The following EEFSEC variants were observed in gnomAD, a reference collection of about 807,000 sequenced individuals.
EEFSEC encodes the protein selenocysteine-specific elongation factor.
A neutral mutation model predicts 42.1 loss-of-function variants in EEFSEC; 43 were observed. The observed-to-expected ratio is 1.02, with a 90% confidence interval of 0.80 to 1.32. The LOEUF is 1.32. Ranked by LOEUF, EEFSEC falls within the 40% of genes most tolerant of loss-of-function variation. The pLI, the probability that EEFSEC is intolerant of heterozygous loss-of-function variation, is 0.00. For synonymous variants in EEFSEC, 354 were observed against 339.1 expected (o/e 1.04, Z -0.48); for missense variants, 745 against 803.6 (o/e 0.93, Z 0.88).
At chr3:128,217,338 G>A (rs1297353045) in intron 1 of EEFSEC, among the ~76,000 whole-genome samples, 1 of 152,138 alleles carries the variant, frequency 6.6e-6, no homozygotes, top group East Asian at 1.9e-4. Context: ...TAAAGCCCTG[G>A]TTCAGTGTCA....
chr3:128,255,846 G>A (rs1052519873), intron 2 of EEFSEC, among the ~76,000 whole-genome samples: 1 of 152,070 alleles, frequency 6.6e-6, no homozygotes, highest in Non-Finnish European at 1.5e-5. Flanking sequence ...AGGGGCTGGG[G>A]AGCGGGGCCG....
At chr3:128,420,794 G>A in the EEFSEC span, among the ~76,000 whole-genome samples, 1 of 152,080 alleles carries the variant, frequency 6.6e-6, no homozygotes, top group Non-Finnish European at 1.5e-5. Flanking sequence ...GGCTCCCTGA[G>A]CTGGGAAATA....
At chr3:128,316,558 G>A (rs1402346589) in intron 4 of EEFSEC, among the ~76,000 whole-genome samples, 2 of 152,188 alleles carry the variant, frequency 1.3e-5, no homozygotes, top group East Asian at 1.9e-4. Context: ...GTGCTGCACA[G>A]CATCTCAGCA....
At chr3:128,343,370 T>A (rs2067276546) in intron 5 of EEFSEC, among the ~76,000 whole-genome samples, 1 of 152,084 alleles carries the variant, frequency 6.6e-6, no homozygotes, top group Admixed American at 6.5e-5. Flanking sequence ...TTCCTGCCCC[T>A]GTACCTAGAC....
intron 1 of EEFSEC, among the ~76,000 whole-genome samples, chr3:128,177,910 A>G (rs1371959331): frequency 1.3e-5 from 2 of 152,256 alleles, no homozygotes; most frequent in African/African-American, 4.8e-5. Flanking sequence ...TGGAGAAACC[A>G]TAGCCATAAA....
chr3:128,408,109 C>T lies in EEFSEC; in HGVS notation c.1641C>T (p.Ala547=), dbSNP rs147709806. The stretch of plus-strand genomic sequence containing the variant: ...AGTCCAAGAAGATCCTGACACCCGC[C>T]CTCAAGAAGCGGGCCCGGGCTGGCC... ...SPESKKILTP[A]LKKRARAGRG... The change falls in exon 7 of 7, where the codon GCC becomes GCT. Residue 547 remains alanine (A), a synonymous_variant. Transcript: ENST00000254730. The T allele has an allele frequency of 5.6e-6, 9 of 1,604,294 alleles. No individual in the cohort carries two copies. The highest frequency in any genetic ancestry group is 1.7e-4 in the Middle Eastern group (1 of 5,938).
intron 1 of EEFSEC, among the ~76,000 whole-genome samples, chr3:128,181,548 C>G (rs2065405615): frequency 6.6e-6 from 1 of 152,174 alleles, no homozygotes; most frequent in Admixed American, 6.5e-5. Context: ...GGAAGTAGAA[C>G]TTGGCGTTGG....
At chr3:128,419,224 C>T in the EEFSEC span, among the ~76,000 whole-genome samples, 16 of 152,134 alleles carry the variant, frequency 1.1e-4, no homozygotes, top group East Asian at 3.9e-4. Flanking sequence ...AAGTGGGGCA[C>T]GGCTGCTGGT....
intron 6 of EEFSEC, among the ~76,000 whole-genome samples, chr3:128,379,869 C>A (rs1468598869): frequency 2.6e-5 from 4 of 152,266 alleles, no homozygotes; most frequent in Non-Finnish European, 5.9e-5. Context: ...TTTTCCATCA[C>A]AGAGGTGGAT....
intron 1 of EEFSEC, among the ~76,000 whole-genome samples, chr3:128,200,342 G>C (rs943594441): frequency 6.6e-6 from 1 of 152,038 alleles, no homozygotes; most frequent in Admixed American, 6.5e-5. Context: ...AGGCTGGAGT[G>C]CAATGGCGCG....
chr3:128,341,134 T>C (rs2067245177), intron 4 of EEFSEC, 99 bp from the exon 5 acceptor site: 1 of 1,422,484 alleles, frequency 7.0e-7, no homozygotes, highest in South Asian at 1.4e-5. Flanking sequence ...TGCCTGCAGG[T>C]GGTGGTAAGC....
intron 1 of EEFSEC, among the ~76,000 whole-genome samples, chr3:128,192,689 C>T (rs1430823052): frequency 1.3e-5 from 2 of 152,142 alleles, no homozygotes; most frequent in African/African-American, 4.8e-5. Context: ...ACTCTTTCCA[C>T]AGTATTTGTT....
At chr3:128,260,924 A>G (rs967891829) in intron 2 of EEFSEC, among the ~76,000 whole-genome samples, 6 of 149,836 alleles carry the variant, frequency 4.0e-5, no homozygotes, top group African/African-American at 1.5e-4. Context: ...GTGAGTATTC[A>G]CTCTTAGATG....
intron 4 of EEFSEC, among the ~76,000 whole-genome samples, chr3:128,311,578 T>G (rs1559914649): frequency 6.6e-6 from 1 of 152,234 alleles, no homozygotes; most frequent in African/African-American, 2.4e-5. Context: ...CATGGGGAGC[T>G]TCAGGCCCAC....
chr3:128,407,316 G>A (rs922463323), intron 6 of EEFSEC, among the ~76,000 whole-genome samples: 6 of 152,344 alleles, frequency 3.9e-5, no homozygotes, highest in South Asian at 2.1e-4. Context: ...GCGGGGCTGC[G>A]TATACCCCTG....
At chr3:128,356,102 A>C (rs2067450063) in intron 5 of EEFSEC, among the ~76,000 whole-genome samples, 1 of 152,232 alleles carries the variant, frequency 6.6e-6, no homozygotes, top group African/African-American at 2.4e-5. Context: ...CCTGTAGTAC[A>C]TGTGATTGTT....
chr3:128,322,307 G>T (rs1280173956), intron 4 of EEFSEC, among the ~76,000 whole-genome samples: 1 of 152,274 alleles, frequency 6.6e-6, no homozygotes, highest in Non-Finnish European at 1.5e-5. Context: ...CCTGCAGCTT[G>T]TGGAGGGACC....
intron 1 of EEFSEC, among the ~76,000 whole-genome samples, chr3:128,229,634 AG>A (rs1484201677): frequency 6.6e-6 from 1 of 152,248 alleles, no homozygotes; most frequent in African/African-American, 2.4e-5. Context: ...TTCTCACACT[AG>A]GGAGCTACAG....
intron 6 of EEFSEC, among the ~76,000 whole-genome samples, chr3:128,389,071 G>A (rs570144210): frequency 2.0e-5 from 3 of 152,354 alleles, no homozygotes; most frequent in Admixed American, 6.5e-5. Context: ...AAGGGAGCCG[G>A]TGTGCCCTGG....
Sources: gnomAD v4.1 joint callset for allele counts (sites outside exome capture counted in the v4.1 genomes callset) on GRCh38, gnomAD v4.1.1 for gene constraint, MANE v1.5 for transcripts, NCBI Gene and HGNC (gene_info 2026-07-23, HGNC 2026-07-21) for gene names.